The following SLC4A4 variants were observed in gnomAD, a reference collection of about 807,000 sequenced individuals.
SLC4A4 encodes the protein solute carrier family 4 member 4.
SLC4A4 carries 27 observed loss-of-function variants against 111.5 expected under a neutral mutation model. The observed-to-expected ratio is 0.24, with a 90% confidence interval of 0.18 to 0.33. The LOEUF (loss-of-function observed/expected upper bound fraction) is 0.33, where lower values mean the gene tolerates loss of function less well. SLC4A4 is among the 10% of genes least tolerant of loss of function. SLC4A4 has a pLI of 1.00. For missense variants in SLC4A4, 909 were observed against 1,315.5 expected (o/e 0.69, Z 4.78); for synonymous variants, 443 against 463.4 (o/e 0.96, Z 0.57).
chr4:71,437,936 C>G (rs1004525945), intron 7 of SLC4A4: 1 of 162,724 alleles, frequency 6.1e-6, no homozygotes, highest in Non-Finnish European at 1.3e-5. Flanking sequence ...GTCGTTAGCT[C>G]ACGCAAGAGG....
chr4:71,074,553 G>A (rs1369920141), intron 1 of SLC4A4, among the ~76,000 whole-genome samples: 1 of 151,578 alleles, frequency 6.6e-6, no homozygotes, highest in Non-Finnish European at 1.5e-5. Flanking sequence ...GTTATGTCTA[G>A]GACGTAGCCA....
chr4:71,145,195 A>G (rs1744128617), intron 2 of SLC4A4, among the ~76,000 whole-genome samples: 1 of 152,124 alleles, frequency 6.6e-6, no homozygotes, highest in Non-Finnish European at 1.5e-5. Flanking sequence ...TTCTGCATCT[A>G]TTGAGATAAT....
At chr4:71,479,421 A>G (rs1728671022) in intron 14 of SLC4A4, among the ~76,000 whole-genome samples, 1 of 151,718 alleles carries the variant, frequency 6.6e-6, no homozygotes, top group African/African-American at 2.4e-5. Context: ...TTTCTAATAT[A>G]TTAATAAGCG....
At chr4:71,342,218 A>G (rs1268700439) in intron 4 of SLC4A4, among the ~76,000 whole-genome samples, 1 of 152,234 alleles carries the variant, frequency 6.6e-6, no homozygotes, top group Admixed American at 6.5e-5. Context: ...TCTCAGAACC[A>G]ATAACCTGTA....
intron 2 of SLC4A4, among the ~76,000 whole-genome samples, chr4:71,119,424 C>T (rs1384099649): frequency 6.6e-6 from 1 of 151,862 alleles, no homozygotes; most frequent in Non-Finnish European, 1.5e-5. Context: ...CTCTGTTGTT[C>T]AGGCTGGAGT....
intron 16 of SLC4A4, among the ~76,000 whole-genome samples, chr4:71,507,449 G>T (rs974219196): frequency 1.3e-5 from 2 of 152,256 alleles, no homozygotes; most frequent in Non-Finnish European, 2.9e-5. Flanking sequence ...TGCAATCCTA[G>T]TTTCTGACAA....
At chr4:71,306,633 T>C (rs981538427) in intron 3 of SLC4A4, among the ~76,000 whole-genome samples, 2 of 152,120 alleles carry the variant, frequency 1.3e-5, no homozygotes, top group Non-Finnish European at 2.9e-5. Context: ...AAAAATTAAA[T>C]GCAAAGAACT....
At chr4:71,252,142 A>G (rs1721107753) in intron 2 of SLC4A4, among the ~76,000 whole-genome samples, 1 of 152,218 alleles carries the variant, frequency 6.6e-6, no homozygotes, top group African/African-American at 2.4e-5. Flanking sequence ...GTTCTCATCA[A>G]TCATAGCATA....
intron 6 of SLC4A4, among the ~76,000 whole-genome samples, chr4:71,379,285 CT>C (rs1276644681): frequency 6.6e-6 from 1 of 152,172 alleles, no homozygotes; most frequent in East Asian, 1.9e-4. Context: ...TGCTTTTGAA[CT>C]TGGTCTCTGC....
At chr4:71,426,947 C>T (rs1036773579) in intron 7 of SLC4A4, among the ~76,000 whole-genome samples, 4 of 151,914 alleles carry the variant, frequency 2.6e-5, no homozygotes, top group African/African-American at 7.2e-5. Flanking sequence ...CAAGGGAGTG[C>T]TACATATATG....
At chr4:71,464,436 C>T (rs1203553157) in intron 12 of SLC4A4, among the ~76,000 whole-genome samples, 4 of 152,122 alleles carry the variant, frequency 2.6e-5, no homozygotes, top group Admixed American at 6.6e-5. Flanking sequence ...TGGTTTCTGT[C>T]CCTGTGAGGA....
intron 6 of SLC4A4, among the ~76,000 whole-genome samples, chr4:71,375,262 T>C (rs538297753): frequency 6.6e-6 from 1 of 152,332 alleles, no homozygotes; most frequent in South Asian, 2.1e-4. Flanking sequence ...TGAGAGGATC[T>C]CAGGCAACCT....
intron 1 of SLC4A4, among the ~76,000 whole-genome samples, chr4:71,199,368 G>T (rs1248370675): frequency 6.6e-6 from 1 of 152,182 alleles, no homozygotes; most frequent in Non-Finnish European, 1.5e-5. Context: ...GAAATTGGAT[G>T]TTATTTCTGA....
At chr4:71,334,231 T>G (rs1468281582) in intron 3 of SLC4A4, among the ~76,000 whole-genome samples, 1 of 152,058 alleles carries the variant, frequency 6.6e-6, no homozygotes, top group African/African-American at 2.4e-5. Context: ...CAGCAGGTGA[T>G]GAATCTTGCC....
intron 13 of SLC4A4, among the ~76,000 whole-genome samples, chr4:71,467,807 AT>A (rs1466761000): frequency 5.9e-5 from 9 of 152,138 alleles, no homozygotes; most frequent in African/African-American, 2.2e-4. Flanking sequence ...CTAAGAGAGA[AT>A]TGCCTTTACT....
chr4:71,139,179 TTGTGTGTGTGTGTGTG>T (rs57359640), intron 2 of SLC4A4, among the ~76,000 whole-genome samples: 1 of 144,436 alleles, frequency 6.9e-6, no homozygotes, highest in African/African-American at 2.6e-5. Context: ...TCCCTTTTCT[TTGTGTGTGTGTGTGTG>T]TGTGTGTGTG....
chr4:71,277,316 A>AT (rs1167374759), intron 3 of SLC4A4, among the ~76,000 whole-genome samples: 3 of 152,172 alleles, frequency 2.0e-5, no homozygotes, highest in East Asian at 3.9e-4. Context: ...AATTATCATT[A>AT]TTTTTTTATT....
At chr4:71,511,624 A>G (rs559279573) in intron 16 of SLC4A4, among the ~76,000 whole-genome samples, 9 of 152,250 alleles carry the variant, frequency 5.9e-5, no homozygotes, top group East Asian at 5.8e-4. Context: ...GTATAACAAA[A>G]GGTTATAAGG....
chr4:71,399,048 A>T (rs537269095), intron 7 of SLC4A4, among the ~76,000 whole-genome samples: 3 of 152,174 alleles, frequency 2.0e-5, no homozygotes, highest in Non-Finnish European at 2.9e-5. Flanking sequence ...CATCATAGCA[A>T]CTGTTTACAT....
Sources: allele counts gnomAD v4.1 joint callset (sites outside exome capture counted in the v4.1 genomes callset), GRCh38; gene constraint gnomAD v4.1.1; transcripts MANE v1.5; gene names NCBI Gene and HGNC (gene_info 2026-07-23, HGNC 2026-07-21).